The following BNC2 variants were observed in gnomAD, a reference collection of about 807,000 sequenced individuals.
The protein encoded by BNC2 is basonuclin zinc finger protein 2, also known as zinc finger protein basonuclin-2.
A neutral mutation model predicts 76.3 loss-of-function variants in BNC2; 20 were observed. That is an observed-to-expected ratio of 0.26 (90% CI 0.18 to 0.38). BNC2 has a LOEUF of 0.38. BNC2 is among the 10% of genes least tolerant of loss of function. BNC2 has a pLI of 1.00. For missense variants in BNC2, 1,382 were observed against 1,399.8 expected (o/e 0.99, Z 0.20); for synonymous variants, 582 against 514.8 (o/e 1.13, Z -1.77).
chr9:16,609,741 G>C (rs1820490303), intron 3 of BNC2, among the ~76,000 whole-genome samples: 1 of 152,204 alleles, frequency 6.6e-6, no homozygotes, highest in South Asian at 2.1e-4. Flanking sequence ...TTCTCTGCTG[G>C]ACTTCCAGAA....
intron 1 of BNC2, among the ~76,000 whole-genome samples, chr9:16,856,827 T>C (rs1934281): frequency 1.6e-3 from 245 of 152,280 alleles, no homozygotes; most frequent in Non-Finnish European, 2.7e-3. Flanking sequence ...CCTGTTAGCA[T>C]TCGTGTTGAT....
chr9:16,613,130 A>AAGAT (rs1820599091), intron 3 of BNC2, among the ~76,000 whole-genome samples: 1 of 152,190 alleles, frequency 6.6e-6, no homozygotes, highest in Non-Finnish European at 1.5e-5. Context: ...ATCAAAATAA[A>AAGAT]AGATAGCAGT....
intron 1 of BNC2, among the ~76,000 whole-genome samples, chr9:16,797,869 G>C (rs1326022539): frequency 1.3e-5 from 2 of 152,132 alleles, no homozygotes; most frequent in African/African-American, 2.4e-5. Flanking sequence ...ATCCCACCAA[G>C]AGAAGACTGC....
At chr9:16,815,146 G>C (rs185472697) in intron 1 of BNC2, among the ~76,000 whole-genome samples, 107 of 152,218 alleles carry the variant, frequency 7.0e-4, no homozygotes, top group African/African-American at 2.2e-3. Context: ...AAGAAGTGTA[G>C]AATAAAGCAC....
intron 5 of BNC2, among the ~76,000 whole-genome samples, chr9:16,456,111 C>A (rs533642995): frequency 6.6e-6 from 1 of 152,222 alleles, no homozygotes; most frequent in African/African-American, 2.4e-5. Context: ...TATTACATGA[C>A]AACTACCTAT....
At chr9:16,615,757 G>A (rs1820679728) in intron 3 of BNC2, among the ~76,000 whole-genome samples, 1 of 152,120 alleles carries the variant, frequency 6.6e-6, no homozygotes, top group African/African-American at 2.4e-5. Flanking sequence ...TTGTTACAGA[G>A]TTAGCAGCCA....
chr9:16,843,642 C>G (rs1431706150), intron 1 of BNC2, among the ~76,000 whole-genome samples: 1 of 152,228 alleles, frequency 6.6e-6, no homozygotes, highest in Non-Finnish European at 1.5e-5. Context: ...CCTACATATT[C>G]TTAAGCTCCT....
chr9:16,685,364 TAC>T (rs906155772), intron 3 of BNC2, among the ~76,000 whole-genome samples: 2 of 152,216 alleles, frequency 1.3e-5, no homozygotes, highest in African/African-American at 2.4e-5. Context: ...ACAAATGATC[TAC>T]AGTTACAGAC....
At chr9:16,557,082 C>G (rs983071175) in intron 4 of BNC2, among the ~76,000 whole-genome samples, 1 of 151,944 alleles carries the variant, frequency 6.6e-6, no homozygotes, top group East Asian at 1.9e-4. Flanking sequence ...AGGCCAATGG[C>G]GCTGTGGAAA....
intron 3 of BNC2, among the ~76,000 whole-genome samples, chr9:16,641,785 A>C (rs1215879565): frequency 1.3e-5 from 2 of 152,202 alleles, no homozygotes; most frequent in African/African-American, 2.4e-5. Flanking sequence ...TGTATCAAAT[A>C]TGTAATCAAA....
chr9:16,602,757 C>A (rs1351918148), intron 3 of BNC2, among the ~76,000 whole-genome samples: 2 of 152,194 alleles, frequency 1.3e-5, no homozygotes, highest in African/African-American at 4.8e-5. Flanking sequence ...TTTTCAGCCA[C>A]TTCCTCCAGG....
intron 3 of BNC2, among the ~76,000 whole-genome samples, chr9:16,725,158 C>T (rs976635774): frequency 6.6e-5 from 10 of 151,878 alleles, no homozygotes; most frequent in African/African-American, 1.2e-4. Flanking sequence ...AAGTAATACT[C>T]GTTTAAATGG....
At chr9:16,769,233 C>T (rs775808808) in intron 1 of BNC2, among the ~76,000 whole-genome samples, 16 of 152,184 alleles carry the variant, frequency 1.1e-4, no homozygotes, top group Non-Finnish European at 8.8e-5. Flanking sequence ...TCTTGCCATG[C>T]CTACAGGTCT....
intron 1 of BNC2, among the ~76,000 whole-genome samples, chr9:16,840,479 T>C (rs1042032700): frequency 6.6e-6 from 1 of 152,234 alleles, no homozygotes; most frequent in Non-Finnish European, 1.5e-5. Flanking sequence ...CCTTTGCTTC[T>C]GCTCAGAAGT....
chr9:16,784,688 A>C (rs1306036165), intron 1 of BNC2, among the ~76,000 whole-genome samples: 1 of 152,240 alleles, frequency 6.6e-6, no homozygotes, highest in Non-Finnish European at 1.5e-5. Context: ...CTCAATCACT[A>C]GAGTATCCTA....
chr9:16,708,801 A>G (rs927955509), intron 3 of BNC2, among the ~76,000 whole-genome samples: 1 of 152,070 alleles, frequency 6.6e-6, no homozygotes, highest in Admixed American at 6.6e-5. Context: ...CCCCACAACA[A>G]AACAGTGGAT....
intron 1 of BNC2, among the ~76,000 whole-genome samples, chr9:16,862,656 CTCTCTT>C (rs1403968716): frequency 6.6e-6 from 1 of 152,176 alleles, no homozygotes; most frequent in Non-Finnish European, 1.5e-5. Flanking sequence ...ATGTATTCCT[CTCTCTT>C]TAATTACCAC....
At chr9:16,862,103 T>C (rs190587010) in intron 1 of BNC2, among the ~76,000 whole-genome samples, 21 of 152,220 alleles carry the variant, frequency 1.4e-4, no homozygotes, top group African/African-American at 4.3e-4. Context: ...TGGAAAACAA[T>C]TTGGAAGTTC....
At chr9:16,549,014 G>C (rs745881212) in intron 5 of BNC2, among the ~76,000 whole-genome samples, 2 of 152,170 alleles carry the variant, frequency 1.3e-5, no homozygotes, top group African/African-American at 4.8e-5. Flanking sequence ...ATCCTTGACC[G>C]ATGTGCCAGC....
Sources: gnomAD v4.1 joint callset for allele counts (sites outside exome capture counted in the v4.1 genomes callset) on GRCh38, gnomAD v4.1.1 for gene constraint, MANE v1.5 for transcripts, NCBI Gene and HGNC (gene_info 2026-07-23, HGNC 2026-07-21) for gene names.